Variants in EIF2AK2 observed in about 807,000 individuals in gnomAD.
The protein encoded by EIF2AK2 is eukaryotic translation initiation factor 2 alpha kinase 2.
A neutral mutation model predicts 70.5 loss-of-function variants in EIF2AK2; 40 were observed. That is an observed-to-expected ratio of 0.57 (90% CI 0.44 to 0.74). EIF2AK2 has a LOEUF of 0.74. Among genes scored for constraint, EIF2AK2 ranks in the 30% least tolerant of loss-of-function variants. The pLI is 0.00. For missense variants in EIF2AK2, 555 were observed against 644.3 expected (o/e 0.86, Z 1.50); for synonymous variants, 198 against 220.9 (o/e 0.90, Z 0.92).
intron 6 of EIF2AK2, 144 bp downstream of exon 6, chr2:37,139,487 A>C: frequency 8.3e-7 from 1 of 1,203,514 alleles, no homozygotes; most frequent in Non-Finnish European, 1.2e-6. Flanking sequence ...CCCATGGTGC[A>C]TGGCTCATCG....
chr2:37,117,545 G>T (rs914369304), intron 13 of EIF2AK2, among the ~76,000 whole-genome samples: 13 of 151,992 alleles, frequency 8.6e-5, no homozygotes, highest in Non-Finnish European at 1.6e-4. Flanking sequence ...AAACACAAAA[G>T]AAATAAAAAC....
In EIF2AK2 at chr2:37,149,322, T is replaced by C. The variant is rs902576057; in HGVS notation, c.-183-299A>G. On this transcript the variant is annotated intron_variant, in intron 1 of 16. Transcript: ENST00000233057. ...CTGGATAATCTGTGGTATCAAACTA[T>C]GGGGCCTTTAAAGGTCTTTATTTCT... is the stretch of plus-strand genomic sequence containing the variant. 1.8e-5 allele frequency: 16 copies of C among 895,932 alleles called. No individual in the cohort carries two copies. In the East Asian group the frequency reaches 2.5e-4, roughly 14 times the overall value. The allele number at this position is 895,932 out of a possible 1,614,324, so 55.5% of individuals were successfully genotyped here.
intron 11 of EIF2AK2, among the ~76,000 whole-genome samples, chr2:37,125,759 C>G (rs919931282): frequency 1.3e-5 from 2 of 152,166 alleles, no homozygotes; most frequent in African/African-American, 4.8e-5. Context: ...ACCCATGGAA[C>G]CATTAGAGAC....
intron 8 of EIF2AK2, among the ~76,000 whole-genome samples, chr2:37,137,510 T>A: frequency 6.6e-6 from 1 of 152,354 alleles, no homozygotes. Context: ...GGTCTCACTA[T>A]GTTGCCTAGG....
At chr2:37,124,147 T>C (rs1196604728) in intron 11 of EIF2AK2, among the ~76,000 whole-genome samples, 1 of 151,960 alleles carries the variant, frequency 6.6e-6, no homozygotes, top group Non-Finnish European at 1.5e-5. Flanking sequence ...TTTATATTTT[T>C]TGTAGAGACA....
chr2:37,110,785 A>C (rs939409755), intron 14 of EIF2AK2, among the ~76,000 whole-genome samples: 4 of 151,504 alleles, frequency 2.6e-5, no homozygotes, highest in Non-Finnish European at 5.9e-5. Context: ...CAATCAACCC[A>C]AAAAAAAATC....
chr2:37,108,992 G>A (rs1045434312), intron 15 of EIF2AK2, among the ~76,000 whole-genome samples: 1 of 152,208 alleles, frequency 6.6e-6, no homozygotes, highest in Non-Finnish European at 1.5e-5. Flanking sequence ...ACCTTCCAGG[G>A]AAGATCAAAG....
rs546067492 is a variant in EIF2AK2, at chr2:37,135,407, C to T, written c.785+77G>A. ...ATATTTTTAACTGACAGGATCATGG[C>T]CATTTCACAGACAACTACCAAAAAC... On this transcript the variant is annotated intron_variant, in intron 10 of 16. Coordinates refer to ENST00000233057, the MANE Select transcript of EIF2AK2 (RefSeq NM_001135651.3). 16 of 1,163,192 alleles carry T rather than the reference C, an allele frequency of 1.4e-5. No homozygotes were observed. In the African/African-American group the frequency reaches 2.2e-4, roughly 16 times the overall value. 72.1% of individuals were successfully genotyped at this position (1,163,192 alleles called of 1,614,324 possible). A position where few individuals can be genotyped will look rare whatever the true frequency, so the allele number is the denominator to read the frequency against.
intron 4 of EIF2AK2, 33 bp downstream of exon 4, chr2:37,146,820 T>G: frequency 6.7e-7 from 1 of 1,496,990 alleles, no homozygotes; most frequent in Non-Finnish European, 8.9e-7. Context: ...ATTTGCAAGT[T>G]CCCATTTATT....
intron 1 of EIF2AK2, among the ~76,000 whole-genome samples, chr2:37,156,631 T>TA (rs1267387972): frequency 6.6e-6 from 1 of 152,186 alleles, no homozygotes; most frequent in Non-Finnish European, 1.5e-5. Context: ...CTTGCACTGA[T>TA]AAAAATTCTT....
At chr2:37,109,069 T>G in intron 15 of EIF2AK2, 125 bp downstream of exon 15, 1 of 753,510 alleles carries the variant, frequency 1.3e-6, no homozygotes, top group Non-Finnish European at 2.1e-6. Context: ...CATATTTCAT[T>G]TGCAGTCAGA....
Position 37,120,012 on chromosome 2 carries a change from T to C in EIF2AK2, c.1195A>G (p.Thr399Ala). 6.5e-7 allele frequency: 1 copy of C among 1,538,782 alleles called. No homozygotes were observed. The highest frequency in any genetic ancestry group is 1.3e-5 in the South Asian group (1 of 78,328). ...VLALELFEQITKGVDYIHSKK... is the reference protein window; with the variant it reads ...VLALELFEQIAKGVDYIHSKK... ...GAATGTATATAATCCACCCCTTTTG[T>C]TATTTGTTCAAAGAGTTCCAAAGCC... The change falls in exon 13 of 17, where the codon ACA becomes GCA. Residue 399 changes from threonine (T) to alanine (A), a missense_variant. By Grantham distance (58) the Thr-to-Ala change is moderately conservative. Around this residue, in one of 3 missense-constraint regions of EIF2AK2, gnomAD observed 299 missense variants for 375.4 expected, o/e 0.80. Coordinates refer to ENST00000233057, the MANE Select transcript of EIF2AK2 (RefSeq NM_001135651.3).
rs1329910512 is a variant in EIF2AK2, at chr2:37,107,213, G to C, written c.*60C>G. On this transcript the variant is annotated 3_prime_UTR_variant, in exon 17 of 17. Coordinates refer to ENST00000233057, the MANE Select transcript of EIF2AK2 (RefSeq NM_001135651.3). ...AAATATCTATTGATATTCCCTAGCA[G>C]ATTTTAGATAATTTAAGGAAAACTG... 1.7e-5 allele frequency: 27 copies of C among 1,571,376 alleles called. No homozygotes were observed. The highest frequency in any genetic ancestry group is 2.3e-5 in the Non-Finnish European group (27 of 1,161,806).
chr2:37,146,862 CTTA>C lies in EIF2AK2; in HGVS notation c.228_230del (p.Asn76del). 1 of 1,613,150 alleles carries C rather than the reference CTTA, an allele frequency of 6.2e-7. No individual in the cohort carries two copies. The highest frequency in any genetic ancestry group is 1.1e-5 in the South Asian group (1 of 90,846). ...AAAGGCAATCACTCACCTTCTTTTC[CTTA>C]TTAAGTATCTCAACAGCTAATTTGG... On this transcript the variant is annotated inframe_deletion, in exon 4 of 17. Transcript: ENST00000233057.
chr2:37,151,793 G>T (rs891796790), intron 1 of EIF2AK2, among the ~76,000 whole-genome samples: 1 of 152,232 alleles, frequency 6.6e-6, no homozygotes, highest in Non-Finnish European at 1.5e-5. Flanking sequence ...CTACAACATG[G>T]ATAGGCCAGG....
intron 9 of EIF2AK2, among the ~76,000 whole-genome samples, chr2:37,135,766 G>A (rs1041646358): frequency 6.6e-6 from 1 of 152,100 alleles, no homozygotes; most frequent in African/African-American, 2.4e-5. Flanking sequence ...AGGTAGCTGG[G>A]ATTACAGGCA....
At chr2:37,136,780 G>A (rs1675141399) in intron 9 of EIF2AK2, 4 of 410,004 alleles carry the variant, frequency 9.8e-6, no homozygotes, top group Non-Finnish European at 1.8e-5. Flanking sequence ...CCCCCAAAGT[G>A]CTTTATGTTT....
intron 13 of EIF2AK2, among the ~76,000 whole-genome samples, chr2:37,119,703 T>C (rs1674468438): frequency 1.3e-5 from 2 of 151,600 alleles, no homozygotes; most frequent in African/African-American, 4.8e-5. Context: ...GCGAATCTCC[T>C]GCCTCAGCCT....
intron 1 of EIF2AK2, among the ~76,000 whole-genome samples, chr2:37,152,488 C>A (rs534105741): frequency 6.6e-6 from 1 of 152,230 alleles, no homozygotes; most frequent in East Asian, 1.9e-4. Context: ...CCGGTGTTGG[C>A]CAGGCTGGTC....
Sources: gnomAD v4.1 joint callset for allele counts (sites outside exome capture counted in the v4.1 genomes callset) on GRCh38, gnomAD v4.1.1 for gene constraint, gnomAD v4.1.1 regional missense constraint, MANE v1.5 for transcripts, NCBI Gene and HGNC (gene_info 2026-07-23, HGNC 2026-07-21) for gene names.